DLGAP1: variants seen among roughly 807,000 people sequenced by gnomAD.
The protein encoded by DLGAP1 is disks large-associated protein 1.
DLGAP1 carries 11 observed loss-of-function variants against 90.8 expected under a neutral mutation model. The ratio of observed to expected loss-of-function variants is 0.12; its 90% CI spans 0.08 to 0.20. The LOEUF (loss-of-function observed/expected upper bound fraction) is 0.20. DLGAP1 is among the 10% of genes least tolerant of loss of function. The pLI is 1.00. For missense variants in DLGAP1, 1,050 were observed against 1,333.8 expected (o/e 0.79, Z 3.31); for synonymous variants, 558 against 540.7 (o/e 1.03, Z -0.44).
At chr18:3,634,874 A>C (rs985689145) in intron 7 of DLGAP1, among the ~76,000 whole-genome samples, 3 of 152,198 alleles carry the variant, frequency 2.0e-5, no homozygotes, top group Non-Finnish European at 4.4e-5. Context: ...ATTTCAACTC[A>C]ATGACATCCA....
At chr18:3,741,103 T>TCACCTCACCACCAC (rs2062945684) in intron 6 of DLGAP1, among the ~76,000 whole-genome samples, 1 of 53,156 alleles carries the variant, frequency 1.9e-5, no homozygotes, top group African/African-American at 8.9e-5. Flanking sequence ...ACCACCACCA[T>TCACCTCACCACCAC]CACCATCACC....
chr18:3,651,139 T>C (rs1310150400), intron 7 of DLGAP1, among the ~76,000 whole-genome samples: 1 of 151,184 alleles, frequency 6.6e-6, no homozygotes, highest in Non-Finnish European at 1.5e-5. Context: ...GGTGGGCGGA[T>C]CATGAGGTCA....
intron 5 of DLGAP1, among the ~76,000 whole-genome samples, chr18:3,783,269 T>C (rs1442710469): frequency 6.6e-6 from 1 of 152,208 alleles, no homozygotes; most frequent in East Asian, 1.9e-4. Flanking sequence ...TAAATGAAGT[T>C]AGTATATGAA....
At chr18:3,952,540 C>T (rs964176315) in intron 3 of DLGAP1, among the ~76,000 whole-genome samples, 1 of 152,222 alleles carries the variant, frequency 6.6e-6, no homozygotes, top group African/African-American at 2.4e-5. Flanking sequence ...GGCCACAAAC[C>T]TGTAGCCTCA....
intron 1 of DLGAP1, among the ~76,000 whole-genome samples, chr18:4,450,165 C>T (rs1232629205): frequency 6.6e-6 from 1 of 152,140 alleles, no homozygotes; most frequent in African/African-American, 2.4e-5. Flanking sequence ...GATCAAAATG[C>T]CATTTTCCTC....
intron 8 of DLGAP1, among the ~76,000 whole-genome samples, chr18:3,572,436 A>ATTTGTTTGTGTG: frequency 6.7e-6 from 1 of 149,634 alleles, no homozygotes; most frequent in South Asian, 2.1e-4. Context: ...TTATTTATTT[A>ATTTGTTTGTGTG]TTTGTTTGTT....
chr18:3,913,740 G>A (rs1158590052), intron 3 of DLGAP1, among the ~76,000 whole-genome samples: 1 of 152,144 alleles, frequency 6.6e-6, no homozygotes, highest in East Asian at 1.9e-4. Context: ...TTCTATGTAT[G>A]AATATACTAT....
chr18:4,002,641 A>C (rs1009883339), intron 3 of DLGAP1, among the ~76,000 whole-genome samples: 2 of 152,224 alleles, frequency 1.3e-5, no homozygotes, highest in African/African-American at 2.4e-5. Flanking sequence ...TGACGATGTT[A>C]TCAGTAAGGC....
chr18:4,389,321 C>A (rs1250206312), intron 1 of DLGAP1, among the ~76,000 whole-genome samples: 4 of 151,992 alleles, frequency 2.6e-5, no homozygotes, highest in African/African-American at 9.7e-5. Flanking sequence ...AAATTCACAG[C>A]AAGAGAAATA....
chr18:4,189,847 C>A (rs2077364047), intron 1 of DLGAP1, among the ~76,000 whole-genome samples: 1 of 152,034 alleles, frequency 6.6e-6, no homozygotes, highest in Admixed American at 6.6e-5. Context: ...GAAGCAAAGG[C>A]AATTCAATGG....
intron 8 of DLGAP1, among the ~76,000 whole-genome samples, 192 bp from the exon 9 acceptor site, chr18:3,567,773 T>C (rs185963112): frequency 3.3e-5 from 5 of 152,298 alleles, no homozygotes; most frequent in Admixed American, 3.3e-4. Context: ...TAAAATGCAA[T>C]TTTATCCACT....
At chr18:4,196,118 T>C (rs1193797703) in intron 1 of DLGAP1, among the ~76,000 whole-genome samples, 1 of 152,194 alleles carries the variant, frequency 6.6e-6, no homozygotes. Context: ...CAAACACTGC[T>C]GAGCATCAAA....
chr18:3,645,228 G>A (rs147025712), intron 7 of DLGAP1, among the ~76,000 whole-genome samples: 61 of 152,226 alleles, frequency 4.0e-4, no homozygotes, highest in African/African-American at 1.4e-3. Flanking sequence ...GAGTAGCTGG[G>A]ACTACAGGTG....
intron 4 of DLGAP1, among the ~76,000 whole-genome samples, chr18:3,863,570 T>C (rs1447487755): frequency 1.3e-5 from 2 of 152,202 alleles, no homozygotes; most frequent in Non-Finnish European, 2.9e-5. Flanking sequence ...CCCAGAGGCA[T>C]CTAAATTCTC....
At chr18:3,734,244 T>C (rs865840216) in intron 6 of DLGAP1, among the ~76,000 whole-genome samples, 1 of 152,150 alleles carries the variant, frequency 6.6e-6, no homozygotes, top group African/African-American at 2.4e-5. Context: ...GTGTTCTCTC[T>C]CTCTCTTTCT....
chr18:3,505,041 G>C (rs2050140139), intron 11 of DLGAP1, among the ~76,000 whole-genome samples: 1 of 152,168 alleles, frequency 6.6e-6, no homozygotes, highest in African/African-American at 2.4e-5. Flanking sequence ...TTTCAAAATA[G>C]AGCTATGATT....
chr18:3,705,806 G>A (rs1439267412), intron 7 of DLGAP1, among the ~76,000 whole-genome samples: 1 of 151,362 alleles, frequency 6.6e-6, no homozygotes, highest in Non-Finnish European at 1.5e-5. Flanking sequence ...TCACAGGCCT[G>A]TGCTACCACG....
chr18:3,956,267 T>A (rs1372373435), intron 3 of DLGAP1, among the ~76,000 whole-genome samples: 2 of 152,344 alleles, frequency 1.3e-5, no homozygotes, highest in African/African-American at 4.8e-5. Flanking sequence ...TTTTTAAATC[T>A]GGAAATCTAT....
intron 3 of DLGAP1, among the ~76,000 whole-genome samples, chr18:3,978,902 A>C (rs181896869): frequency 2.0e-5 from 3 of 152,340 alleles, no homozygotes; most frequent in African/African-American, 7.2e-5. Context: ...AGGAAGAATT[A>C]AATGAAGAGT....
Sources: allele counts gnomAD v4.1 joint callset (sites outside exome capture counted in the v4.1 genomes callset), GRCh38; gene constraint gnomAD v4.1.1; transcripts MANE v1.5; gene names NCBI Gene and HGNC (gene_info 2026-07-23, HGNC 2026-07-21).